CEP112: variants seen among roughly 807,000 people sequenced by gnomAD.
CEP112 encodes the protein centrosomal protein of 112 kDa.
In CEP112, 127 loss-of-function variants were observed where a neutral mutation model predicts 153.0. The ratio of observed to expected loss-of-function variants is 0.83; its 90% CI spans 0.72 to 0.96. The LOEUF is 0.96. CEP112 is among the 40% of genes least tolerant of loss of function. The probability of loss-of-function intolerance (pLI) is 0.00; values close to 1 mark genes in which losing one functional copy is unlikely to be tolerated. For missense variants in CEP112, 1,089 were observed against 1,101.2 expected, an observed-to-expected ratio of 0.99 and a Z score of 0.16; for synonymous variants, 358 against 374.4, an observed-to-expected ratio of 0.96 and a Z score of 0.51.
rs1184531517 is a variant in CEP112, at chr17:65,697,098, A to AT, written c.2608-7881dup. On this transcript the variant is annotated intron_variant, in intron 23 of 26. Coordinates refer to ENST00000535342, the MANE Select transcript of CEP112 (RefSeq NM_001199165.4). The stretch of plus-strand genomic sequence containing the variant: ...TTACATACAATCCAATTCAATGTTT[A>AT]TTTTTTCATGGTAATGGTCTGTTTT... Among the ~76,000 whole-genome samples, 5 of 152,144 alleles carry AT rather than the reference A, an allele frequency of 3.3e-5. 1 individual carries two copies. The highest frequency in any genetic ancestry group is 1.2e-4 in the African/African-American group (5 of 41,440).
chr17:65,684,151 A>G (rs2047671822), intron 24 of CEP112, among the ~76,000 whole-genome samples: 1 of 152,208 alleles, frequency 6.6e-6, no homozygotes, highest in South Asian at 2.1e-4. Context: ...TGAGGGCAAA[A>G]TCTATAACTT....
chr17:65,757,847 T>C (rs991482191), intron 21 of CEP112, among the ~76,000 whole-genome samples: 1 of 152,194 alleles, frequency 6.6e-6, no homozygotes, highest in Admixed American at 6.5e-5. Context: ...TGGTACTGAG[T>C]GTACATTTCA....
Position 65,863,492 on chromosome 17 carries a change from G to A in CEP112, c.2164-11458C>T, listed in dbSNP as rs148693322. On this transcript the variant is annotated intron_variant, in intron 20 of 26. Coordinates refer to ENST00000535342, the MANE Select transcript of CEP112 (RefSeq NM_001199165.4). Reference sequence around the variant, plus strand: ...ATTAAAAATAAACAAAATGGGCCGGGCGCGGTGGCTCACGCCTGTAATCCC... The same window carrying A: ...ATTAAAAATAAACAAAATGGGCCGGACGCGGTGGCTCACGCCTGTAATCCC... Among the ~76,000 whole-genome samples, 286 of 152,256 alleles carry A rather than the reference G, an allele frequency of 1.9e-3. 8 individuals carry two copies. The highest frequency in any genetic ancestry group is 0.015 in the Admixed American group (230 of 15,292).
At chr17:65,745,586 C>T (rs2145190347) in intron 22 of CEP112, among the ~76,000 whole-genome samples, 1 of 152,126 alleles carries the variant, frequency 6.6e-6, no homozygotes, top group East Asian at 1.9e-4. Context: ...CTTACTATTT[C>T]AATGTTTTAA....
At chr17:65,649,658 TC>T (rs1310951375) in intron 24 of CEP112, among the ~76,000 whole-genome samples, 2 of 147,014 alleles carry the variant, frequency 1.4e-5, no homozygotes, top group Non-Finnish European at 3.0e-5. Context: ...GATCCAGGCT[TC>T]AGTGAGCTAT....
intron 12 of CEP112, 32 bp from the exon 13 acceptor site, chr17:66,030,055 CT>C (rs1348302801): frequency 1.3e-6 from 2 of 1,594,982 alleles, no homozygotes; most frequent in African/African-American, 1.4e-5. Context: ...AAGAAAGTCT[CT>C]GACTCAGTTG....
intron 16 of CEP112, among the ~76,000 whole-genome samples, chr17:66,027,094 T>C (rs145748131): frequency 7.9e-4 from 121 of 152,316 alleles, no homozygotes; most frequent in African/African-American, 2.7e-3. Flanking sequence ...AAATTATTCT[T>C]GGCTGGGCGC....
intron 20 of CEP112, among the ~76,000 whole-genome samples, chr17:65,895,771 G>A (rs2059638098): frequency 6.6e-6 from 1 of 152,060 alleles, no homozygotes; most frequent in South Asian, 2.1e-4. Context: ...AATACAGTTG[G>A]ATGTGGTCAT....
intron 20 of CEP112, among the ~76,000 whole-genome samples, chr17:65,854,908 T>A (rs867465024): frequency 1.3e-5 from 2 of 152,082 alleles, no homozygotes; most frequent in Non-Finnish European, 1.5e-5. Flanking sequence ...TAAAAACAGA[T>A]AGACTTTAGC....
At chr17:66,150,136 A>G (rs1411314420) in intron 4 of CEP112, among the ~76,000 whole-genome samples, 1 of 141,284 alleles carries the variant, frequency 7.1e-6, no homozygotes, top group Non-Finnish European at 1.5e-5. Flanking sequence ...TCTCGACCTC[A>G]TGATCCGCCC....
At chr17:65,778,149 CT>C (rs1438804625) in intron 21 of CEP112, among the ~76,000 whole-genome samples, 3 of 152,216 alleles carry the variant, frequency 2.0e-5, no homozygotes, top group Non-Finnish European at 2.9e-5. Context: ...GCCCATGTCT[CT>C]TTCAAACACC....
intron 11 of CEP112, among the ~76,000 whole-genome samples, chr17:66,059,263 C>A (rs1281916661): frequency 1.3e-5 from 2 of 151,992 alleles, no homozygotes; most frequent in Non-Finnish European, 2.9e-5. Context: ...ATGATTAAAT[C>A]CCCAAAAGCA....
Position 66,081,864 on chromosome 17 carries a change from G to A in CEP112, c.769-11863C>T, listed in dbSNP as rs117515446. On this transcript the variant is annotated intron_variant, in intron 8 of 26. Coordinates refer to ENST00000535342, the MANE Select transcript of CEP112 (RefSeq NM_001199165.4). ...CAGGAGACAGAGATTATGGTGAGCCGAGATTGCGCCACTGCATTCCAGCCT... is the reference window on the plus strand; with the variant it reads ...CAGGAGACAGAGATTATGGTGAGCCAAGATTGCGCCACTGCATTCCAGCCT... Among the ~76,000 whole-genome samples the A allele has an allele frequency of 9.2e-3, 1,395 of 152,228 alleles. 12 individuals carry two copies. Among genetic ancestry groups the A allele is most frequent in the Non-Finnish European group, 0.016 (1,101 of 68,014 alleles).
intron 17 of CEP112, among the ~76,000 whole-genome samples, chr17:65,969,967 T>C (rs1389666365): frequency 2.0e-5 from 3 of 152,212 alleles, no homozygotes; most frequent in Non-Finnish European, 2.9e-5. Context: ...TAAATGTATG[T>C]ATAACATGCA....
chr17:65,713,829 C>A (rs2049338003), intron 23 of CEP112, among the ~76,000 whole-genome samples: 1 of 152,190 alleles, frequency 6.6e-6, no homozygotes, highest in Admixed American at 6.5e-5. Context: ...ACCTCGTGAT[C>A]CGCCCGCCTC....
At chr17:66,105,663 G>A (rs750825985) in intron 6 of CEP112, among the ~76,000 whole-genome samples, 10 of 151,972 alleles carry the variant, frequency 6.6e-5, no homozygotes, top group East Asian at 1.9e-4. Context: ...GCATTGTAGC[G>A]TGCACCTGTA....
At chr17:65,881,747 T>C (rs1016061211) in intron 20 of CEP112, among the ~76,000 whole-genome samples, 1 of 152,220 alleles carries the variant, frequency 6.6e-6, no homozygotes, top group Non-Finnish European at 1.5e-5. Context: ...ATTTAGTTTA[T>C]GTACCAGAGA....
At chr17:65,899,824 T>C (rs2059783235) in intron 20 of CEP112, among the ~76,000 whole-genome samples, 1 of 152,096 alleles carries the variant, frequency 6.6e-6, no homozygotes, top group African/African-American at 2.4e-5. Flanking sequence ...TAACTGAAAA[T>C]CAAATCTCTA....
intron 17 of CEP112, among the ~76,000 whole-genome samples, chr17:66,002,719 G>A (rs1344685032): frequency 6.6e-6 from 1 of 151,910 alleles, no homozygotes; most frequent in Non-Finnish European, 1.5e-5. Flanking sequence ...GTTTTTATAT[G>A]TATATAAATT....
Sources: allele counts gnomAD v4.1 joint callset (sites outside exome capture counted in the v4.1 genomes callset), GRCh38; gene constraint gnomAD v4.1.1; transcripts MANE v1.5; gene names NCBI Gene and HGNC (gene_info 2026-07-23, HGNC 2026-07-21).